The following ECT2L variants were observed in gnomAD, a reference collection of about 807,000 sequenced individuals.
ECT2L encodes epithelial cell-transforming sequence 2 oncogene-like.
A neutral mutation model predicts 122.8 loss-of-function variants in ECT2L; 126 were observed. The observed-to-expected ratio is 1.03, with a 90% confidence interval of 0.89 to 1.19. The LOEUF (loss-of-function observed/expected upper bound fraction) is 1.19, where lower values mean the gene tolerates loss of function less well. Among genes scored for constraint, ECT2L ranks in the 50% most tolerant of loss-of-function variants. The probability of loss-of-function intolerance (pLI) is 0.00; values close to 1 mark genes in which losing one functional copy is unlikely to be tolerated. For missense variants in ECT2L, 1,012 were observed against 1,064.1 expected, an observed-to-expected ratio of 0.95 and a Z score of 0.68; for synonymous variants, 385 against 381.8, an observed-to-expected ratio of 1.01 and a Z score of -0.10.
chr6:138,813,203 C>A lies in ECT2L; in HGVS notation c.-72C>A. On this transcript the variant is annotated 5_prime_UTR_variant, in exon 3 of 22. Coordinates refer to ENST00000541398, the MANE Select transcript of ECT2L (RefSeq NM_001077706.3). ...TTAATTGCACACCTATTGAAATAAACCTGTAGTTTCTAGAAGTGGAAGAAA... is the reference window on the plus strand; with the variant it reads ...TTAATTGCACACCTATTGAAATAAAACTGTAGTTTCTAGAAGTGGAAGAAA... 9.3e-7 allele frequency: 1 copy of A among 1,076,486 alleles called. No individual in the cohort carries two copies. The highest frequency in any genetic ancestry group is 1.4e-6 in the Non-Finnish European group (1 of 716,352). 66.7% of individuals were successfully genotyped at this position (1,076,486 alleles called of 1,614,324 possible).
chr6:138,894,263 G>T (rs1779136649), intron 20 of ECT2L, among the ~76,000 whole-genome samples: 1 of 151,942 alleles, frequency 6.6e-6, no homozygotes, highest in African/African-American at 2.4e-5. Context: ...CACCATGTTG[G>T]CCAGGATGGT....
chr6:138,866,299 C>A (rs144044774), intron 12 of ECT2L, among the ~76,000 whole-genome samples: 1 of 152,056 alleles, frequency 6.6e-6, no homozygotes, highest in East Asian at 1.9e-4. Flanking sequence ...AGGCATGCAC[C>A]GCCATGCCTG....
chr6:138,821,367 G>A (rs1471958895), intron 4 of ECT2L, among the ~76,000 whole-genome samples: 1 of 152,180 alleles, frequency 6.6e-6, no homozygotes, highest in African/African-American at 2.4e-5. Flanking sequence ...TGAAACCAAT[G>A]GCTTCTTTCT....
chr6:138,834,935 A>ACACACACACACTCT (rs5880405), intron 4 of ECT2L, among the ~76,000 whole-genome samples: 105 of 142,860 alleles, frequency 7.3e-4, no homozygotes, highest in African/African-American at 2.2e-3. Flanking sequence ...ACACACACAC[A>ACACACACACACTCT]CTCTCATTCT....
At chr6:138,846,727 T>C (rs1441324574) in intron 8 of ECT2L, 50 bp downstream of exon 8, 5 of 1,416,934 alleles carry the variant, frequency 3.5e-6, no homozygotes, top group Non-Finnish European at 3.7e-6. Flanking sequence ...TTTTGTTTTT[T>C]GTTTTTTTTC....
chr6:138,868,882 T>C (rs1462649096), intron 13 of ECT2L, among the ~76,000 whole-genome samples: 2 of 152,154 alleles, frequency 1.3e-5, no homozygotes, highest in Non-Finnish European at 2.9e-5. Flanking sequence ...GAAAATGCAA[T>C]GTGGCCAGGC....
At chr6:138,864,387 A>G (rs532522086) in intron 11 of ECT2L, among the ~76,000 whole-genome samples, 16 of 152,356 alleles carry the variant, frequency 1.1e-4, no homozygotes, top group African/African-American at 3.6e-4. Flanking sequence ...GAAACAAAGC[A>G]AATACACTAT....
intron 4 of ECT2L, among the ~76,000 whole-genome samples, chr6:138,830,614 T>C (rs1436160560): frequency 6.6e-6 from 1 of 152,166 alleles, no homozygotes; most frequent in African/African-American, 2.4e-5. Context: ...TGGATTTTTT[T>C]CGGTTATCTT....
chr6:138,849,836 G>A (rs1009594173), intron 9 of ECT2L, among the ~76,000 whole-genome samples: 3 of 152,182 alleles, frequency 2.0e-5, no homozygotes, highest in Middle Eastern at 3.4e-3. Flanking sequence ...TTACAGGGGT[G>A]AGCCACCACA....
intron 20 of ECT2L, among the ~76,000 whole-genome samples, chr6:138,899,504 A>G (rs944620023): frequency 2.0e-5 from 3 of 152,076 alleles, no homozygotes; most frequent in African/African-American, 4.8e-5. Context: ...TACTAGGTTG[A>G]TAACTTGGGT....
chr6:138,809,587 C>A (rs1268057633), intron 1 of ECT2L, among the ~76,000 whole-genome samples: 1 of 152,066 alleles, frequency 6.6e-6, no homozygotes, highest in African/African-American at 2.4e-5. Flanking sequence ...ATCCAACTTG[C>A]TGGTGATATA....
chr6:138,885,584 G>T lies in ECT2L; in HGVS notation c.2102+5G>T. On this transcript the variant is annotated splice_donor_5th_base_variant and intron_variant, in intron 17 of 21. Transcript: ENST00000541398. ...CATTGTTACCAAAATGCTGAGGTAC[G>T]TTCTGAGGGAGAGCACAGCAGGGGT... 9 of 1,614,170 alleles carry T rather than the reference G, an allele frequency of 5.6e-6. No homozygotes were observed. The East Asian group carries it at 6.7e-5, about 12-fold the overall frequency.
intron 13 of ECT2L, among the ~76,000 whole-genome samples, chr6:138,871,397 T>C (rs1301157969): frequency 6.6e-6 from 1 of 152,158 alleles, no homozygotes; most frequent in Non-Finnish European, 1.5e-5. Flanking sequence ...TGTTAATGCT[T>C]CTTTAAAGGA....
At chr6:138,838,713 T>C (rs1776932748) in intron 5 of ECT2L, among the ~76,000 whole-genome samples, 199 bp downstream of exon 5, 1 of 152,216 alleles carries the variant, frequency 6.6e-6, no homozygotes, top group Non-Finnish European at 1.5e-5. Flanking sequence ...ACTAGTCCAA[T>C]AATTCCTGTT....
At chr6:138,860,102 G>A (rs778869089) in intron 10 of ECT2L, among the ~76,000 whole-genome samples, 14 of 152,080 alleles carry the variant, frequency 9.2e-5, no homozygotes, top group Non-Finnish European at 2.1e-4. Flanking sequence ...TGGGATTACA[G>A]GCATGAGCCA....
Position 138,813,290 on chromosome 6 carries a change from A to C in ECT2L, c.16A>C (p.Thr6Pro). The part of the protein sequence containing the change: MESFH[T>P]RFSAWTPFSN... ...AACTCCAGAAATGGAGAGCTTCCAC[A>C]CCAGATTTAGTGCCTGGACACCTTT... The change falls in exon 3 of 22, where the codon ACC (threonine) becomes CCC (proline). Residue 6 changes from threonine to proline, a missense_variant. By Grantham distance (38) the Thr-to-Pro change is conservative. Transcript: ENST00000541398. 2 of 1,612,462 alleles carry C rather than the reference A, an allele frequency of 1.2e-6. No individual in the cohort carries two copies. Among genetic ancestry groups the C allele is most frequent in the Non-Finnish European group, 1.7e-6 (2 of 1,179,648 alleles).
At position 138,888,989 on chromosome 6, in the gene ECT2L, C is replaced by A; in HGVS notation, c.2372C>A (p.Ala791Asp). 1 of 1,551,438 alleles carries A rather than the reference C, an allele frequency of 6.4e-7. No homozygotes were observed. The highest frequency in any genetic ancestry group is 8.7e-7 in the Non-Finnish European group (1 of 1,143,086). ...TATCTGATTAGGGTACAAGATGTAGCCCAACTTCATTGCTGTGATGAAGAA... is the reference window on the plus strand; with the variant it reads ...TATCTGATTAGGGTACAAGATGTAGACCAACTTCATTGCTGTGATGAAGAA... ...NRYLIRVQDV[A>D]QLHCCDEEIS... The change falls in exon 20 of 22, where the codon GCC (alanine) becomes GAC (aspartate). Residue 791 changes from alanine (A) to aspartate (D), a missense_variant. Transcript: ENST00000541398.
At chr6:138,891,018 G>A (rs1169688097) in intron 20 of ECT2L, among the ~76,000 whole-genome samples, 1 of 152,136 alleles carries the variant, frequency 6.6e-6, no homozygotes, top group East Asian at 1.9e-4. Flanking sequence ...TCTCGGCCAA[G>A]GGGATTCCAA....
intron 4 of ECT2L, among the ~76,000 whole-genome samples, chr6:138,828,130 A>G (rs1197282361): frequency 6.6e-6 from 1 of 152,116 alleles, no homozygotes; most frequent in African/African-American, 2.4e-5. Flanking sequence ...CTGTGTTATA[A>G]AGGACTATTT....
Sources: allele counts gnomAD v4.1 joint callset (sites outside exome capture counted in the v4.1 genomes callset), GRCh38; gene constraint gnomAD v4.1.1; transcripts MANE v1.5; gene names NCBI Gene and HGNC (gene_info 2026-07-23, HGNC 2026-07-21).